The following ERBB4 variants were observed in gnomAD, a reference collection of about 807,000 sequenced individuals.
The protein encoded by ERBB4 is receptor tyrosine-protein kinase erbB-4.
A neutral mutation model predicts 158.0 loss-of-function variants in ERBB4; 42 were observed. The observed-to-expected ratio is 0.27, with a 90% CI of 0.21 to 0.34. The LOEUF is 0.34. Ranked by LOEUF, ERBB4 falls within the 10% of genes least tolerant of loss-of-function variation. The pLI, the probability that ERBB4 is intolerant of heterozygous loss-of-function variation, is 1.00. For missense variants in ERBB4, 1,333 were observed against 1,624.1 expected, an observed-to-expected ratio of 0.82 and a Z score of 3.08; for synonymous variants, 583 against 558.7, an observed-to-expected ratio of 1.04 and a Z score of -0.61.
intron 1 of ERBB4, among the ~76,000 whole-genome samples, chr2:212,370,779 G>C (rs115914320): frequency 0.016 from 2,450 of 152,084 alleles, 39 homozygotes; most frequent in South Asian, 0.079. Context: ...AACAATGAAG[G>C]TATCCACATA....
chr2:212,205,064 C>T (rs561483034), intron 1 of ERBB4, among the ~76,000 whole-genome samples: 4 of 151,962 alleles, frequency 2.6e-5, no homozygotes, highest in East Asian at 2.0e-4. Flanking sequence ...GTGATCAACC[C>T]GCCTCGGCCT....
In ERBB4 at chr2:211,471,678, C is replaced by T. The variant is rs368079363; in HGVS notation, c.2488-40578G>A. ...AGGGAACCCAGCTGAGAATGTTTTACGAAAAGCTTCCAAAATGAGAAGGTG... is the reference window on the plus strand; with the variant it reads ...AGGGAACCCAGCTGAGAATGTTTTATGAAAAGCTTCCAAAATGAGAAGGTG... On this transcript the variant is annotated intron_variant, in intron 20 of 27. Coordinates refer to ENST00000342788, the MANE Select transcript of ERBB4 (RefSeq NM_005235.3). 6.5e-4 allele frequency among the ~76,000 whole-genome samples: 99 copies of T among 152,094 alleles called. 1 individual carries two copies. The South Asian group carries it at 0.017, about 27-fold the overall frequency.
At chr2:212,313,573 A>C (rs1254676947) in intron 1 of ERBB4, among the ~76,000 whole-genome samples, 2 of 150,848 alleles carry the variant, frequency 1.3e-5, no homozygotes, top group Non-Finnish European at 3.0e-5. Flanking sequence ...AAAATGTCTC[A>C]ACTTAAAATA....
intron 1 of ERBB4, among the ~76,000 whole-genome samples, chr2:212,137,472 C>T (rs2080310094): frequency 2.0e-5 from 3 of 152,224 alleles, no homozygotes; most frequent in Admixed American, 6.5e-5. Context: ...ATAACGGTCT[C>T]CAGCTTCATC....
chr2:211,412,494 T>C (rs2063283892), intron 25 of ERBB4, among the ~76,000 whole-genome samples: 1 of 152,212 alleles, frequency 6.6e-6, no homozygotes, highest in Non-Finnish European at 1.5e-5. Context: ...GTCTTTTTCC[T>C]ATAATTCCTG....
At chr2:212,072,006 G>C (rs1389372103) in intron 2 of ERBB4, among the ~76,000 whole-genome samples, 6 of 151,942 alleles carry the variant, frequency 3.9e-5, no homozygotes, top group African/African-American at 1.4e-4. Flanking sequence ...AGAAACTGAG[G>C]CTCAGGGAAA....
intron 3 of ERBB4, among the ~76,000 whole-genome samples, chr2:211,867,843 C>T (rs569185746): frequency 6.6e-6 from 1 of 152,294 alleles, no homozygotes; most frequent in East Asian, 1.9e-4. Context: ...CATGTTTTTA[C>T]AGCTGTTGCA....
intron 16 of ERBB4, among the ~76,000 whole-genome samples, chr2:211,650,666 T>C (rs2070947487): frequency 6.6e-6 from 1 of 152,108 alleles, no homozygotes; most frequent in Non-Finnish European, 1.5e-5. Flanking sequence ...AGTTTCATGA[T>C]GACTGGGCTG....
intron 3 of ERBB4, among the ~76,000 whole-genome samples, chr2:211,865,528 C>T (rs1334076303): frequency 6.6e-5 from 10 of 151,942 alleles, no homozygotes; most frequent in African/African-American, 2.4e-4. Flanking sequence ...ACTCTTGTTT[C>T]CCAGGCTGGA....
chr2:211,900,389 C>G (rs971473390), intron 3 of ERBB4, among the ~76,000 whole-genome samples: 2 of 151,866 alleles, frequency 1.3e-5, no homozygotes, highest in Admixed American at 6.6e-5. Context: ...CACACACACA[C>G]ACACACACAC....
At chr2:211,418,087 T>A (rs74371068) in intron 25 of ERBB4, among the ~76,000 whole-genome samples, 5 of 66,860 alleles carry the variant, frequency 7.5e-5, no homozygotes, top group South Asian at 2.1e-3. Flanking sequence ...ATGCATTATT[T>A]TTTTTTTTTT....
chr2:212,382,788 G>T (rs2090550666), intron 1 of ERBB4, among the ~76,000 whole-genome samples: 1 of 151,198 alleles, frequency 6.6e-6, no homozygotes, highest in Admixed American at 6.6e-5. Context: ...ATTATAATTT[G>T]TAATTATTTT....
chr2:211,704,470 A>T (rs1334510260), intron 10 of ERBB4, among the ~76,000 whole-genome samples: 2 of 152,214 alleles, frequency 1.3e-5, no homozygotes, highest in African/African-American at 2.4e-5. Flanking sequence ...AGAAAAATAC[A>T]GTTTCAATTT....
chr2:211,872,462 C>T (rs868819781), intron 3 of ERBB4, among the ~76,000 whole-genome samples: 4 of 152,124 alleles, frequency 2.6e-5, no homozygotes, highest in African/African-American at 7.2e-5. Flanking sequence ...TTCTGACAGT[C>T]TTGTCCTTTT....
chr2:211,554,906 C>G (rs2067196786), intron 20 of ERBB4, among the ~76,000 whole-genome samples: 1 of 152,164 alleles, frequency 6.6e-6, no homozygotes, highest in South Asian at 2.1e-4. Flanking sequence ...CTGAGTTAAA[C>G]AAAAACAGAA....
chr2:211,770,292 T>C (rs2075657714), intron 4 of ERBB4, among the ~76,000 whole-genome samples: 1 of 152,232 alleles, frequency 6.6e-6, no homozygotes, highest in Non-Finnish European at 1.5e-5. Context: ...CCACCTTATT[T>C]TCCTTATTAA....
At position 212,331,058 on chromosome 2, in the gene ERBB4, GTATA is replaced by G; in HGVS notation, c.83-206159_83-206156del. 1.1e-3 allele frequency among the ~76,000 whole-genome samples: 64 copies of G among 56,318 alleles called. 7 individuals carry two copies. The highest frequency in any genetic ancestry group is 0.031 in the Middle Eastern group (2 of 64). The allele number at this position is 56,318 out of a possible 152,430, so 36.9% of individuals were successfully genotyped here. On this transcript the variant is annotated intron_variant, in intron 1 of 27. Transcript: ENST00000342788. ...AGTAAGTTTCCCATATTTGTAATTT[GTATA>G]TATATATATACACATATATATATAT... is the stretch of plus-strand genomic sequence containing the variant.
intron 3 of ERBB4, among the ~76,000 whole-genome samples, chr2:211,859,945 G>A (rs56405621): frequency 0.21 from 32,320 of 151,966 alleles, 3,594 homozygotes; most frequent in South Asian, 0.33. Context: ...CATTACAAAC[G>A]TATTGGCAAT....
chr2:211,969,754 A>AT (rs945284065), intron 2 of ERBB4, among the ~76,000 whole-genome samples: 2 of 151,818 alleles, frequency 1.3e-5, no homozygotes, highest in Non-Finnish European at 2.9e-5. Context: ...TCCCATTGTC[A>AT]TTTTTTACTG....
Sources: gnomAD v4.1 joint callset for allele counts (sites outside exome capture counted in the v4.1 genomes callset) on GRCh38, gnomAD v4.1.1 for gene constraint, MANE v1.5 for transcripts, NCBI Gene and HGNC (gene_info 2026-07-23, HGNC 2026-07-21) for gene names.